The following ZRANB3 variants were observed in gnomAD, a reference collection of about 807,000 sequenced individuals.
ZRANB3 encodes the protein DNA annealing helicase and endonuclease ZRANB3.
A neutral mutation model predicts 133.8 loss-of-function variants in ZRANB3; 125 were observed. That is an observed-to-expected ratio of 0.93 (90% CI 0.81 to 1.08). The LOEUF is 1.08. ZRANB3 is among the 50% of genes least tolerant of loss of function. The pLI is 0.00. For missense variants in ZRANB3, 1,229 were observed against 1,275.5 expected, an observed-to-expected ratio of 0.96 and a Z score of 0.56; for synonymous variants, 387 against 432.7, an observed-to-expected ratio of 0.89 and a Z score of 1.31.
chr2:135,529,635 G>C (rs1432746717), intron 1 of ZRANB3, among the ~76,000 whole-genome samples: 1 of 151,984 alleles, frequency 6.6e-6, no homozygotes, highest in Non-Finnish European at 1.5e-5. Context: ...GTGTAGCTGG[G>C]ACTACAGATC....
At chr2:135,239,596 T>G (rs2105080769) in intron 12 of ZRANB3, among the ~76,000 whole-genome samples, 1 of 152,326 alleles carries the variant, frequency 6.6e-6, no homozygotes, top group African/African-American at 2.4e-5. Context: ...TACAAAAAGT[T>G]ATCTAATTAG....
chr2:135,289,550 G>A (rs749222081), intron 8 of ZRANB3, among the ~76,000 whole-genome samples: 78 of 152,278 alleles, frequency 5.1e-4, no homozygotes, highest in Non-Finnish European at 4.9e-4. Context: ...CACTGTGCCC[G>A]GCCATGGAGT....
chr2:135,216,550 C>T (rs1011546243), intron 17 of ZRANB3, among the ~76,000 whole-genome samples: 2 of 152,106 alleles, frequency 1.3e-5, no homozygotes, highest in African/African-American at 2.4e-5. Context: ...AGCGATCCTC[C>T]GGCCTCAGCC....
intron 8 of ZRANB3, among the ~76,000 whole-genome samples, chr2:135,308,871 C>A (rs774428980): frequency 1.3e-5 from 2 of 151,672 alleles, no homozygotes; most frequent in Non-Finnish European, 2.9e-5. Context: ...CCCTTCTCCG[C>A]CAAAGGAAAA....
In ZRANB3 at chr2:135,200,256, C is replaced by G. The variant is rs115728864; in HGVS notation, c.*86G>C. Reference sequence around the variant, plus strand: ...TTTTTGTTCTGAAAATTTTTACTCTCGATATATTAAACAAACATGGAAAAC... The same window carrying G: ...TTTTTGTTCTGAAAATTTTTACTCTGGATATATTAAACAAACATGGAAAAC... On this transcript the variant is annotated 3_prime_UTR_variant, in exon 21 of 21. Coordinates refer to ENST00000264159, the MANE Select transcript of ZRANB3 (RefSeq NM_032143.4). The G allele has an allele frequency of 8.9e-7, 1 of 1,119,418 alleles. No homozygotes were observed. Among genetic ancestry groups the G allele is most frequent in the Non-Finnish European group, 1.3e-6 (1 of 773,598 alleles). 69.3% of individuals were successfully genotyped at this position (1,119,418 alleles called of 1,614,324 possible).
chr2:135,297,727 T>G (rs182935081), intron 8 of ZRANB3, among the ~76,000 whole-genome samples: 2 of 152,342 alleles, frequency 1.3e-5, no homozygotes, highest in East Asian at 3.9e-4. Context: ...AATTCTTTTT[T>G]CTTTGTCTTT....
rs753401781 is a variant in ZRANB3, at chr2:135,271,883, C to T, written c.1091G>A (p.Arg364His). 22 of 1,611,826 alleles carry T rather than the reference C, an allele frequency of 1.4e-5. No individual in the cohort carries two copies. Among genetic ancestry groups the T allele is most frequent in the East Asian group, 4.5e-5 (2 of 44,816 alleles). ...CTEAVIENKT[R>H]YIRIDGSVSS... ...AACACTTCCATCTATCCTAATGTAACGAGTCTAGCATCAACAAGGAAAACG... is the reference window on the plus strand; with the variant it reads ...AACACTTCCATCTATCCTAATGTAATGAGTCTAGCATCAACAAGGAAAACG... Residue 364 changes from arginine (R) to histidine (H), a missense_variant, in exon 10 of 21, where the codon CGT (arginine) becomes CAT (histidine). Coordinates refer to ENST00000264159, the MANE Select transcript of ZRANB3 (RefSeq NM_032143.4).
intron 8 of ZRANB3, among the ~76,000 whole-genome samples, chr2:135,282,429 C>A (rs1681141090): frequency 6.6e-6 from 1 of 152,156 alleles, no homozygotes; most frequent in Non-Finnish European, 1.5e-5. Context: ...TAGGAGACAG[C>A]CTTCAGGAGA....
At chr2:135,263,706 A>G (rs1051219055) in intron 12 of ZRANB3, among the ~76,000 whole-genome samples, 1 of 152,144 alleles carries the variant, frequency 6.6e-6, no homozygotes, top group Non-Finnish European at 1.5e-5. Flanking sequence ...GCCAGATCTA[A>G]GTTTAAAAAG....
intron 3 of ZRANB3, among the ~76,000 whole-genome samples, chr2:135,386,025 C>T (rs978964703): frequency 3.9e-5 from 6 of 152,036 alleles, no homozygotes; most frequent in Admixed American, 6.6e-5. Flanking sequence ...CTCTGCAAGG[C>T]AAAAGAAACT....
chr2:135,344,908 T>C (rs947063299), intron 6 of ZRANB3, among the ~76,000 whole-genome samples: 2 of 152,176 alleles, frequency 1.3e-5, no homozygotes, highest in African/African-American at 4.8e-5. Flanking sequence ...CATGTAATCA[T>C]ACATGCTTGT....
chr2:135,221,628 T>C (rs1431376151), intron 15 of ZRANB3, among the ~76,000 whole-genome samples: 1 of 152,256 alleles, frequency 6.6e-6, no homozygotes, highest in Admixed American at 6.5e-5. Flanking sequence ...CTCTACCCTC[T>C]TGGGACCATT....
intron 2 of ZRANB3, among the ~76,000 whole-genome samples, chr2:135,450,995 G>C (rs1417177752): frequency 6.6e-6 from 1 of 152,172 alleles, no homozygotes; most frequent in Non-Finnish European, 1.5e-5. Context: ...AGATTTGAGG[G>C]AACAATCTCC....
chr2:135,207,928 G>T, intron 18 of ZRANB3, 92 bp from the exon 19 acceptor site: 2 of 1,218,114 alleles, frequency 1.6e-6, no homozygotes, highest in Non-Finnish European at 1.1e-6. Context: ...GTTTCAATAC[G>T]GATAAATAGT....
chr2:135,337,311 G>A (rs533849062), intron 6 of ZRANB3, among the ~76,000 whole-genome samples: 2 of 152,254 alleles, frequency 1.3e-5, no homozygotes, highest in East Asian at 1.9e-4. Flanking sequence ...ACCCTAGACC[G>A]TTAACAGTTG....
intron 2 of ZRANB3, among the ~76,000 whole-genome samples, chr2:135,406,400 G>A (rs911122074): frequency 6.6e-6 from 1 of 152,152 alleles, no homozygotes; most frequent in Non-Finnish European, 1.5e-5. Context: ...GGTACAACGA[G>A]GAGCTGGTAC....
At chr2:135,423,706 C>A (rs1201527712) in intron 2 of ZRANB3, among the ~76,000 whole-genome samples, 1 of 152,138 alleles carries the variant, frequency 6.6e-6, no homozygotes, top group Non-Finnish European at 1.5e-5. Flanking sequence ...ATAGGAGAAA[C>A]AGGTGAGGTT....
chr2:135,323,418 G>A (rs1344976932), intron 6 of ZRANB3, among the ~76,000 whole-genome samples: 1 of 152,140 alleles, frequency 6.6e-6, no homozygotes, highest in East Asian at 1.9e-4. Context: ...GAAGTTAGAG[G>A]AGGATACATT....
At chr2:135,281,142 G>A (rs1573821298) in intron 8 of ZRANB3, among the ~76,000 whole-genome samples, 1 of 152,028 alleles carries the variant, frequency 6.6e-6, no homozygotes, top group Admixed American at 6.6e-5. Context: ...AACCTCTCTC[G>A]TCTATTGCAA....
Sources: gnomAD v4.1 joint callset for allele counts (sites outside exome capture counted in the v4.1 genomes callset) on GRCh38, gnomAD v4.1.1 for gene constraint, MANE v1.5 for transcripts, NCBI Gene and HGNC (gene_info 2026-07-23, HGNC 2026-07-21) for gene names.